Variants in POU6F2 observed in about 807,000 individuals in gnomAD.
POU6F2 encodes the protein POU class 6 homeobox 2.
A neutral mutation model predicts 71.3 loss-of-function variants in POU6F2; 31 were observed. That is an observed-to-expected ratio of 0.43 (90% CI 0.33 to 0.59). The LOEUF is 0.59. Ranked by LOEUF, POU6F2 falls within the 20% of genes least tolerant of loss-of-function variation. The pLI, the probability that POU6F2 is intolerant of heterozygous loss-of-function variation, is 0.04. For synonymous variants in POU6F2, 347 were observed against 355.7 expected, an observed-to-expected ratio of 0.98 and a Z score of 0.27; for missense variants, 783 against 856.8, an observed-to-expected ratio of 0.91 and a Z score of 1.07.
intron 4 of POU6F2, among the ~76,000 whole-genome samples, chr7:39,330,104 A>T (rs2115561040): frequency 6.6e-6 from 1 of 152,330 alleles, no homozygotes; most frequent in South Asian, 2.1e-4. Flanking sequence ...GGAGAATCAC[A>T]TTTAACCGTT....
At chr7:39,122,039 G>C (rs186610026) in intron 2 of POU6F2, among the ~76,000 whole-genome samples, 7 of 152,286 alleles carry the variant, frequency 4.6e-5, no homozygotes, top group Admixed American at 2.0e-4. Context: ...TGATGATGGT[G>C]ACCATTGATA....
chr7:39,317,253 C>A (rs1028135945), intron 4 of POU6F2, among the ~76,000 whole-genome samples: 1 of 152,198 alleles, frequency 6.6e-6, no homozygotes, highest in Admixed American at 6.5e-5. Flanking sequence ...AACTGACTCC[C>A]CAGTCAGCTA....
rs528569136 is a variant in POU6F2 at position 39,332,462 on chromosome 7, A to G, written c.599-7180A>G. On this transcript the variant is annotated intron_variant, in intron 4 of 9. Coordinates refer to ENST00000518318, the MANE Select transcript of POU6F2 (RefSeq NM_001370959.1). ...AGTACCTATTCAACTTTGTAAGAAA[A>G]AGTATGTAAGGATAAAATTATGTAA... 4.7e-4 allele frequency among the ~76,000 whole-genome samples: 72 copies of G among 152,290 alleles called. 1 individual carries two copies. In the South Asian group the frequency reaches 0.012, roughly 25 times the overall value.
intron 1 of POU6F2, among the ~76,000 whole-genome samples, chr7:39,066,401 A>C (rs1790753514): frequency 6.6e-6 from 1 of 151,774 alleles, no homozygotes; most frequent in African/African-American, 2.4e-5. Flanking sequence ...AGCCATAAAT[A>C]GTGAAAAGGG....
At chr7:39,016,418 G>A (rs1302067306) in intron 1 of POU6F2, among the ~76,000 whole-genome samples, 2 of 151,552 alleles carry the variant, frequency 1.3e-5, no homozygotes, top group African/African-American at 4.9e-5. Flanking sequence ...ACTAGGACAT[G>A]GGACAGAAAG....
rs1785172167 is a variant in POU6F2 at position 39,311,851 on chromosome 7, AAG to A, written c.599-27787_599-27786del. Among the ~76,000 whole-genome samples the A allele has an allele frequency of 4.6e-5, 7 of 152,356 alleles. No individual in the cohort carries two copies. The South Asian group carries it at 1.2e-3, about 27-fold the overall frequency. ...AAAAAATTCCTTACAAAAGGAATGA[AAG>A]AGAACATAAAATTAATTAAACAAGA... On this transcript the variant is annotated intron_variant, in intron 4 of 9. Coordinates refer to ENST00000518318, the MANE Select transcript of POU6F2 (RefSeq NM_001370959.1).
chr7:39,367,267 G>C (rs73386442), intron 5 of POU6F2, among the ~76,000 whole-genome samples: 1 of 151,874 alleles, frequency 6.6e-6, no homozygotes, highest in Non-Finnish European at 1.5e-5. Context: ...AAATTTAAAC[G>C]TTCAAATATA....
intron 6 of POU6F2, among the ~76,000 whole-genome samples, chr7:39,416,453 C>T (rs1787678152): frequency 6.6e-6 from 1 of 152,218 alleles, no homozygotes; most frequent in Non-Finnish European, 1.5e-5. Context: ...AACCCTATCC[C>T]AGTGAATCTT....
chr7:39,271,449 T>G (rs1784336467), intron 4 of POU6F2, among the ~76,000 whole-genome samples: 1 of 151,798 alleles, frequency 6.6e-6, no homozygotes, highest in Non-Finnish European at 1.5e-5. Context: ...TTATTTTGTT[T>G]TGTTTTACAA....
chr7:39,102,284 G>C (rs1791590640), intron 2 of POU6F2, among the ~76,000 whole-genome samples: 2 of 152,064 alleles, frequency 1.3e-5, no homozygotes, highest in Non-Finnish European at 2.9e-5. Flanking sequence ...AAATATTCTG[G>C]CTAAGCTTTT....
At chr7:39,339,220 T>C (rs1049195431) in intron 4 of POU6F2, among the ~76,000 whole-genome samples, 2 of 152,230 alleles carry the variant, frequency 1.3e-5, no homozygotes, top group Non-Finnish European at 2.9e-5. Flanking sequence ...AATTGGTTTT[T>C]TGTTCTTAAC....
In POU6F2 at chr7:39,433,109, A is replaced by C; in HGVS notation, c.1146A>C (p.Pro382=). The C allele has an allele frequency of 6.2e-7, 1 of 1,613,362 alleles. No homozygotes were observed. Residue 382 remains proline, a synonymous_variant, in exon 7 of 10, where the codon CCA becomes CCC. Coordinates refer to ENST00000518318, the MANE Select transcript of POU6F2 (RefSeq NM_001370959.1). ...IIGTIPLMPN[P]GPSSQAASGT... is the part of the protein sequence containing the mutation. Reference sequence around the variant, plus strand: ...GGACCATTCCACTGATGCCTAATCCAGGGCCATCGAGCCAAGCAGCAAGCG... The same window carrying C: ...GGACCATTCCACTGATGCCTAATCCCGGGCCATCGAGCCAAGCAGCAAGCG...
intron 4 of POU6F2, among the ~76,000 whole-genome samples, chr7:39,233,505 G>A (rs572237244): frequency 9.9e-4 from 150 of 152,250 alleles, no homozygotes; most frequent in African/African-American, 3.4e-3. Context: ...TTGTAGGAAG[G>A]GTCTGTCCCG....
At chr7:39,185,831 ATGTATATGTATATGTATATGTATG>A (rs1229491556) in intron 2 of POU6F2, among the ~76,000 whole-genome samples, 1,735 of 125,402 alleles carry the variant, frequency 0.014, 32 homozygotes, top group African/African-American at 0.049. Context: ...GTATATGTAT[ATGTATATGTATATGTATATGTATG>A]TGTATATATG....
chr7:39,059,883 G>A (rs568475908), intron 1 of POU6F2, among the ~76,000 whole-genome samples: 1 of 152,056 alleles, frequency 6.6e-6, no homozygotes, highest in Admixed American at 6.6e-5. Flanking sequence ...GCTACAACAG[G>A]GATGAACCTT....
intron 2 of POU6F2, among the ~76,000 whole-genome samples, chr7:39,087,389 A>G (rs1277017858): frequency 1.3e-5 from 2 of 152,154 alleles, no homozygotes; most frequent in East Asian, 1.9e-4. Context: ...CTAGATTCCA[A>G]TTTCAAGAAA....
At chr7:39,057,298 C>G (rs1790550206) in intron 1 of POU6F2, among the ~76,000 whole-genome samples, 1 of 152,044 alleles carries the variant, frequency 6.6e-6, no homozygotes, top group South Asian at 2.1e-4. Flanking sequence ...CCAAATATAA[C>G]AATTTTTAAA....
chr7:39,313,310 A>G (rs1583517019), intron 4 of POU6F2, among the ~76,000 whole-genome samples: 1 of 151,988 alleles, frequency 6.6e-6, no homozygotes, highest in East Asian at 1.9e-4. Flanking sequence ...TCCCTCACTT[A>G]TTTAATGAGA....
chr7:39,381,175 C>T (rs983394746), intron 5 of POU6F2, among the ~76,000 whole-genome samples: 16 of 152,196 alleles, frequency 1.1e-4, no homozygotes, highest in African/African-American at 3.1e-4. Flanking sequence ...AGTGATTCTC[C>T]TGCCTCAGCC....
Sources: gnomAD v4.1 joint callset for allele counts (sites outside exome capture counted in the v4.1 genomes callset) on GRCh38, gnomAD v4.1.1 for gene constraint, MANE v1.5 for transcripts, NCBI Gene and HGNC (gene_info 2026-07-23, HGNC 2026-07-21) for gene names.